The following ABI3BP variants were observed in gnomAD, a reference collection of about 807,000 sequenced individuals.
ABI3BP encodes target of Nesh-SH3.
In ABI3BP, 216 loss-of-function variants were observed where a neutral mutation model predicts 268.6. That is an observed-to-expected ratio of 0.80 (90% CI 0.72 to 0.90). The LOEUF is 0.90. ABI3BP is among the 40% of genes least tolerant of loss of function. ABI3BP has a pLI of 0.00. For missense variants in ABI3BP, 2,090 were observed against 2,182.4 expected (o/e 0.96, Z 0.84); for synonymous variants, 730 against 730.0 (o/e 1.00, Z 0.00).
At chr3:100,867,052 C>T (rs1329874573) in intron 9 of ABI3BP, 96 bp from the exon 10 acceptor site, 3 of 862,560 alleles carry the variant, frequency 3.5e-6, no homozygotes, top group Non-Finnish European at 5.6e-6. Flanking sequence ...AATCTAATCT[C>T]ACACTCCTTC....
At chr3:100,897,636 C>G (rs1319663796) in intron 4 of ABI3BP, among the ~76,000 whole-genome samples, 2 of 152,092 alleles carry the variant, frequency 1.3e-5, no homozygotes, top group Non-Finnish European at 2.9e-5. Context: ...GAAATCAAAT[C>G]AATGGTTGTT....
chr3:100,798,532 G>C (rs541527884), intron 51 of ABI3BP, among the ~76,000 whole-genome samples: 436 of 151,818 alleles, frequency 2.9e-3, no homozygotes, highest in Non-Finnish European at 4.5e-3. Context: ...TGAGAAAGCA[G>C]TTTTGATTTC....
chr3:100,952,841 A>C (rs557560631), intron 1 of ABI3BP: 1 of 152,286 alleles, frequency 6.6e-6, no homozygotes, highest in African/African-American at 2.4e-5. Flanking sequence ...TAAATGCAAA[A>C]CCATCTCAAC....
intron 44 of ABI3BP, among the ~76,000 whole-genome samples, chr3:100,814,060 G>C (rs1277010077): frequency 2.6e-5 from 4 of 152,056 alleles, no homozygotes; most frequent in Non-Finnish European, 5.9e-5. Context: ...ATTGTTCAGG[G>C]CATATTCATG....
At chr3:100,986,080 G>T (rs1374963473) in intron 1 of ABI3BP, among the ~76,000 whole-genome samples, 1 of 152,176 alleles carries the variant, frequency 6.6e-6, no homozygotes, top group Non-Finnish European at 1.5e-5. Flanking sequence ...ACATAAGGTT[G>T]TGACCTCCAT....
At chr3:100,894,431 G>A (rs190274117) in intron 4 of ABI3BP, among the ~76,000 whole-genome samples, 2 of 152,086 alleles carry the variant, frequency 1.3e-5, no homozygotes, top group African/African-American at 4.8e-5. Flanking sequence ...GATGCTCTTC[G>A]GGGGACCAGG....
intron 1 of ABI3BP, among the ~76,000 whole-genome samples, chr3:100,957,153 G>A (rs768406516): frequency 2.6e-5 from 4 of 152,178 alleles, no homozygotes; most frequent in Non-Finnish European, 4.4e-5. Context: ...AGTAAGAGAT[G>A]GTGGTAGTTT....
rs1048612199 is a variant in ABI3BP at position 100,749,415 on chromosome 3, C to G, written c.*1080G>C. ...AAATGTAGCGTTGATAAGATTGAAG[C>G]ATGTTGAAAGGTAAGTACAGGGAAA... On this transcript the variant is annotated 3_prime_UTR_variant, in exon 68 of 68. Coordinates refer to ENST00000471714, the MANE Select transcript of ABI3BP (RefSeq NM_001375547.2). 5.2e-6 allele frequency: 2 copies of G among 382,372 alleles called. No individual in the cohort carries two copies. Among genetic ancestry groups the G allele is most frequent in the East Asian group, 3.7e-5 (1 of 26,880 alleles). The allele number at this position is 382,372 out of a possible 1,614,324, so 23.7% of individuals were successfully genotyped here.
intron 1 of ABI3BP, among the ~76,000 whole-genome samples, chr3:100,974,994 G>GGCTTTTGTATAGACAA (rs2085411925): frequency 1.3e-5 from 2 of 151,874 alleles, no homozygotes; most frequent in African/African-American, 4.8e-5. Flanking sequence ...AGACAGTCTC[G>GGCTTTTGTATAGACAA]GCAAAAAAGC....
rs572824268 is a variant in ABI3BP at position 100,940,003 on chromosome 3, G to T, written c.80-13522C>A. ...ATTTGCTTTTGAAAGAAGAGAAATAGGGCTCTGTTCCGCCCGGCTCACCGG... is the reference window on the plus strand; with the variant it reads ...ATTTGCTTTTGAAAGAAGAGAAATATGGCTCTGTTCCGCCCGGCTCACCGG... On this transcript the variant is annotated intron_variant, in intron 1 of 67. Transcript: ENST00000471714. 2.5e-3 allele frequency among the ~76,000 whole-genome samples: 386 copies of T among 152,174 alleles called. 1 individual carries two copies. Among genetic ancestry groups the T allele is most frequent in the African/African-American group, 8.8e-3 (366 of 41,542 alleles).
chr3:100,887,352 T>G (rs2042457786), intron 4 of ABI3BP, among the ~76,000 whole-genome samples: 2 of 152,088 alleles, frequency 1.3e-5, no homozygotes, highest in South Asian at 4.1e-4. Flanking sequence ...GTGCATATAG[T>G]TTCCTATCAT....
At position 100,821,070 on chromosome 3, in the gene ABI3BP, A is replaced by G; in HGVS notation, c.2931T>C (p.Thr977=). The part of the protein sequence containing the change: ...ELKPVTLRTE[T]WVTTQAPKTS... ...TGCTATTACCTTGTGTTGTCACCCA[A>G]GTCTCAGTTCTGAGTGTAACAGGTT... Residue 977 remains threonine, a synonymous_variant, in exon 39 of 68, where the codon ACT becomes ACC. Transcript: ENST00000471714. 3 of 1,535,962 alleles carry G rather than the reference A, an allele frequency of 2.0e-6. No individual in the cohort carries two copies. Among genetic ancestry groups the G allele is most frequent in the Non-Finnish European group, 2.6e-6 (3 of 1,146,764 alleles).
intron 1 of ABI3BP, among the ~76,000 whole-genome samples, chr3:100,950,353 C>G (rs1561974319): frequency 6.6e-6 from 1 of 152,164 alleles, no homozygotes; most frequent in Non-Finnish European, 1.5e-5. Flanking sequence ...TTCAAAAAAA[C>G]TGTACTGTAC....
intron 1 of ABI3BP, among the ~76,000 whole-genome samples, 188 bp from the exon 2 acceptor site, chr3:100,926,669 TAA>T (rs991271286): frequency 6.6e-6 from 1 of 152,136 alleles, no homozygotes; most frequent in Non-Finnish European, 1.5e-5. Context: ...CAGCCTAGAA[TAA>T]AAAGTATATC....
intron 1 of ABI3BP, among the ~76,000 whole-genome samples, chr3:100,977,425 C>T: frequency 6.9e-6 from 1 of 145,450 alleles, no homozygotes; most frequent in African/African-American, 2.6e-5. Flanking sequence ...AAGATATTGG[C>T]CAGGATTACC....
Position 100,937,229 on chromosome 3 carries a change from A to T in ABI3BP, c.80-10748T>A, listed in dbSNP as rs140997103. On this transcript the variant is annotated intron_variant, in intron 1 of 67. Transcript: ENST00000471714. ...TTAGGAAAAATGTAGTACATCTGGA[A>T]CCTTCATACATTTTGAGTGTAAATT... Among the ~76,000 whole-genome samples, 374 of 152,190 alleles carry T rather than the reference A, an allele frequency of 2.5e-3. 1 individual carries two copies. Among genetic ancestry groups the T allele is most frequent in the African/African-American group, 8.4e-3 (350 of 41,552 alleles).
chr3:100,948,698 T>G (rs2073626107), intron 1 of ABI3BP, among the ~76,000 whole-genome samples: 1 of 152,216 alleles, frequency 6.6e-6, no homozygotes, highest in Non-Finnish European at 1.5e-5. Flanking sequence ...CATTCACTTT[T>G]TAACTTAAAA....
chr3:100,826,894 G>A (rs1010158363), intron 34 of ABI3BP, among the ~76,000 whole-genome samples: 4 of 152,050 alleles, frequency 2.6e-5, no homozygotes, highest in Admixed American at 6.6e-5. Flanking sequence ...CAAGCCCTCC[G>A]TCCACTTTCC....
At chr3:100,818,309 T>C (rs1476838782) in intron 41 of ABI3BP, among the ~76,000 whole-genome samples, 3 of 152,198 alleles carry the variant, frequency 2.0e-5, no homozygotes, top group Admixed American at 2.0e-4. Flanking sequence ...CATTGAACGG[T>C]TAAAAGCAGT....
Sources: allele counts gnomAD v4.1 joint callset (sites outside exome capture counted in the v4.1 genomes callset), GRCh38; gene constraint gnomAD v4.1.1; transcripts MANE v1.5; gene names NCBI Gene and HGNC (gene_info 2026-07-23, HGNC 2026-07-21).